Variants in DLG3 observed in about 807,000 individuals in gnomAD.
DLG3 encodes disks large homolog 3.
Under a neutral mutation model 64.1 loss-of-function variants are expected in DLG3, and 1 was observed. That is an observed-to-expected ratio of 0.02 (90% confidence interval 0.01 to 0.07). DLG3 has a LOEUF of 0.07. Among genes scored for constraint, DLG3 ranks in the 10% least tolerant of loss-of-function variants. DLG3 has a pLI of 1.00. For synonymous variants in DLG3, 245 were observed against 259.8 expected (o/e 0.94, Z 0.55); for missense variants, 429 against 669.5 (o/e 0.64, Z 3.96).
chrX:70,446,093 T>A (rs1259794715), intron 1 of DLG3, among the ~76,000 whole-genome samples: 1 of 111,016 alleles, frequency 9.0e-6, no homozygotes, highest in Non-Finnish European at 1.9e-5. Flanking sequence ...TCCGTCCCAG[T>A]CCCTTTGTGT....
intron 13 of DLG3, chrX:70,497,159 CTCTT>C: frequency 2.5e-6 from 3 of 1,207,811 alleles, no homozygotes; most frequent in South Asian, 1.8e-5. Context: ...GAATTGGAGT[CTCTT>C]TCTTGTTGGC....
chrX:70,452,607 A>G (rs770445136), intron 7 of DLG3: 2 of 1,168,141 alleles, frequency 1.7e-6, no homozygotes, highest in South Asian at 1.9e-5. Flanking sequence ...CAGCCAGGGG[A>G]GAGAGAGAGG....
chrX:70,462,243 C>CTTTTTTTTTTTTTTTTTTTTTT, intron 9 of DLG3, among the ~76,000 whole-genome samples: 1 of 46,984 alleles, frequency 2.1e-5, no homozygotes, highest in Non-Finnish European at 3.4e-5. Context: ...TTCTTTCTTT[C>CTTTTTTTTTTTTTTTTTTTTTT]TTTTTTTTTT....
intron 10 of DLG3, among the ~76,000 whole-genome samples, chrX:70,489,064 T>C (rs2087308301): frequency 8.9e-6 from 1 of 112,072 alleles, no homozygotes; most frequent in East Asian, 2.8e-4. Context: ...TCATCTGAAG[T>C]AAATGACTCA....
intron 9 of DLG3, among the ~76,000 whole-genome samples, chrX:70,464,659 A>C (rs1602914419): frequency 8.9e-6 from 1 of 111,876 alleles, no homozygotes; most frequent in Admixed American, 9.5e-5. Context: ...GAATTTAGGT[A>C]TCTTTAAAAA....
chrX:70,458,488 C>T (rs2086752601), intron 9 of DLG3, among the ~76,000 whole-genome samples: 1 of 111,349 alleles, frequency 9.0e-6, no homozygotes, highest in Non-Finnish European at 1.9e-5. Context: ...AACAGGGTCT[C>T]ACTATATTGC....
chrX:70,477,491 G>C (rs2087074098), intron 9 of DLG3, among the ~76,000 whole-genome samples: 1 of 111,866 alleles, frequency 8.9e-6, no homozygotes, highest in African/African-American at 3.3e-5. Flanking sequence ...CTGGCCTGCT[G>C]TTATGCTCTA....
intron 18 of DLG3, among the ~76,000 whole-genome samples, chrX:70,501,413 C>CTGTGTGTGTGTGTG (rs58272461): frequency 0.018 from 1,695 of 93,824 alleles, 40 homozygotes; most frequent in African/African-American, 0.052. Flanking sequence ...GTCTGTCTGT[C>CTGTGTGTGTGTGTG]TGTGTGTGTG....
chrX:70,452,634 C>T (rs772761894), intron 7 of DLG3: 1 of 1,189,300 alleles, frequency 8.4e-7, no homozygotes, highest in Non-Finnish European at 1.1e-6. Context: ...GGAGAGGGCC[C>T]GCAAGTTCTC....
rs2087597380 is a variant in DLG3, at chrX:70,503,187, A to G, written c.*918A>G. 1.8e-5 allele frequency: 2 copies of G among 112,269 alleles called. No homozygotes were observed. The highest frequency in any genetic ancestry group is 3.8e-5 in the Non-Finnish European group (2 of 53,214). The allele number at this position is 112,269 out of a possible 1,213,427, so 9.3% of individuals were successfully genotyped here. A position where few individuals can be genotyped will look rare whatever the true frequency, so the allele number is the denominator to read the frequency against. On this transcript the variant is annotated 3_prime_UTR_variant, in exon 19 of 19. Coordinates refer to ENST00000374360, the MANE Select transcript of DLG3 (RefSeq NM_021120.4). ...AATGATGCTCCGCGTGGAATTGCCT[A>G]TTGTTTTATGCCACCTGATGTGTCT... is the stretch of plus-strand genomic sequence containing the variant.
intron 9 of DLG3, among the ~76,000 whole-genome samples, chrX:70,466,968 A>G (rs1460811224): frequency 9.0e-6 from 1 of 111,446 alleles, no homozygotes; most frequent in Non-Finnish European, 1.9e-5. Context: ...GCTGGAGTGC[A>G]GTGGCATGAT....
At chrX:70,496,347 T>G (rs768319156) in intron 13 of DLG3, among the ~76,000 whole-genome samples, 1 of 112,575 alleles carries the variant, frequency 8.9e-6, no homozygotes, top group Admixed American at 9.3e-5. Context: ...TGGTCTTGGC[T>G]GAAATGAGCA....
At position 70,479,151 on chromosome X, in the gene DLG3, A is replaced by G. The variant is rs774239467; in HGVS notation, c.1407A>G (p.Glu469=). Residue 469 remains glutamate (E), a splice_region_variant and synonymous_variant, in exon 10 of 19, where the codon GAA becomes GAG. Coordinates refer to ENST00000374360, the MANE Select transcript of DLG3 (RefSeq NM_021120.4). The part of the protein sequence containing the change: ...VTIVAQYRPE[E]YSRFESKIHD... ...TCTTTTCCCTTGTTTCCGTGACAGA[A>G]TACAGTCGCTTTGAATCGAAGATAC... is the stretch of plus-strand genomic sequence containing the variant. 3 of 1,204,292 alleles carry G rather than the reference A, an allele frequency of 2.5e-6. No individual in the cohort carries two copies. Among genetic ancestry groups the G allele is most frequent in the Non-Finnish European group, 3.4e-6 (3 of 888,525 alleles).
At position 70,453,764 on chromosome X, in the gene DLG3, G is replaced by A; in HGVS notation, c.1273G>A (p.Glu425Lys). Residue 425 changes from glutamate (E) to lysine (K), a missense_variant, in exon 8 of 19, where the codon GAG (glutamate) becomes AAG (lysine). Physicochemically the swap from Glu to Lys is moderately conservative, Grantham distance 56. Around this residue, in one of 9 missense-constraint regions of DLG3, gnomAD observed 46 missense variants for 52.3 expected, o/e 0.88. Transcript: ENST00000374360. ...LAGGPADLSGELRRGDRILSV... is the reference protein window; with the variant it reads ...LAGGPADLSGKLRRGDRILSV... ...AGGAGGCCCAGCTGACCTGAGTGGG[G>A]AGCTGCGCAGGGGAGACCGGATCTT... is the stretch of plus-strand genomic sequence containing the variant. The A allele has an allele frequency of 8.3e-7, 1 of 1,205,146 alleles. No individual in the cohort carries two copies. The highest frequency in any genetic ancestry group is 1.1e-6 in the Non-Finnish European group (1 of 892,261).
At chrX:70,499,840 G>GC (rs1416418912) in intron 15 of DLG3, 37 bp from the exon 16 acceptor site, 4 of 1,185,081 alleles carry the variant, frequency 3.4e-6, no homozygotes, top group Non-Finnish European at 4.5e-6. Flanking sequence ...GCGGATCACT[G>GC]CCCCTGGGCC....
chrX:70,492,325 T>C (rs1013827105), intron 11 of DLG3, 42 bp downstream of exon 11: 1 of 1,197,424 alleles, frequency 8.4e-7, no homozygotes, highest in African/African-American at 1.8e-5. Flanking sequence ...CCTGCCCTCT[T>C]GCTGGTATTT....
chrX:70,499,538 C>T (rs768648755), intron 15 of DLG3, among the ~76,000 whole-genome samples: 2 of 111,667 alleles, frequency 1.8e-5, no homozygotes, highest in East Asian at 2.8e-4. Context: ...AATACGGAGG[C>T]CCAGCCAAAG....
intron 13 of DLG3, among the ~76,000 whole-genome samples, chrX:70,495,763 C>T (rs1046387416): frequency 8.9e-6 from 1 of 112,059 alleles, no homozygotes; most frequent in African/African-American, 3.2e-5. Context: ...AAGGTAACCA[C>T]TCAGCTAATC....
intron 18 of DLG3, among the ~76,000 whole-genome samples, chrX:70,501,461 A>G (rs1193571771): frequency 3.1e-5 from 3 of 97,133 alleles, no homozygotes; most frequent in Non-Finnish European, 6.2e-5. Context: ...TTCCTGAAAC[A>G]TTGGGAAGGT....
Sources: gnomAD v4.1 joint callset for allele counts (sites outside exome capture counted in the v4.1 genomes callset) on GRCh38, gnomAD v4.1.1 for gene constraint, gnomAD v4.1.1 regional missense constraint, MANE v1.5 for transcripts, NCBI Gene and HGNC (gene_info 2026-07-23, HGNC 2026-07-21) for gene names.